CHERP: variants seen among roughly 807,000 people sequenced by gnomAD.
CHERP encodes calcium homeostasis endoplasmic reticulum protein, also known as ERPROT 213-21.
CHERP carries 8 observed loss-of-function variants against 113.8 expected under a neutral mutation model. The observed-to-expected ratio is 0.07, with a 90% CI of 0.04 to 0.13. The LOEUF (loss-of-function observed/expected upper bound fraction) is 0.13. CHERP is among the 10% of genes least tolerant of loss of function. The pLI, the probability that CHERP is intolerant of heterozygous loss-of-function variation, is 1.00. For missense variants in CHERP, 884 were observed against 1,298.2 expected, an observed-to-expected ratio of 0.68 and a Z score of 4.90; for synonymous variants, 559 against 524.5, an observed-to-expected ratio of 1.07 and a Z score of -0.90.
chr19:16,542,120 C>T (rs2085784156), intron 1 of CHERP, 77 bp from the exon 2 acceptor site: 15 of 1,486,774 alleles, frequency 1.0e-5, no homozygotes, highest in African/African-American at 1.4e-5. Flanking sequence ...CCCCAGCCCC[C>T]GTCCGCCTTG....
At chr19:16,531,205 C>T (rs150894106) in intron 5 of CHERP, among the ~76,000 whole-genome samples, 4,665 of 152,292 alleles carry the variant, frequency 0.031, 93 homozygotes, top group Non-Finnish European at 0.045. Context: ...GGATATGGGC[C>T]GGCGGGAGCC....
chr19:16,519,987 C>T lies in CHERP; in HGVS notation c.2462+162G>A, dbSNP rs917039837. 1.3e-5 allele frequency: 10 copies of T among 783,204 alleles called. No individual in the cohort carries two copies. The highest frequency in any genetic ancestry group is 1.7e-5 in the African/African-American group (1 of 57,724). The allele number at this position is 783,204 out of a possible 1,614,324, so 48.5% of individuals were successfully genotyped here. A position where few individuals can be genotyped will look rare whatever the true frequency, so the allele number is the denominator to read the frequency against. On this transcript the variant is annotated intron_variant, in intron 15 of 16. Coordinates refer to ENST00000546361, the MANE Select transcript of CHERP (RefSeq NM_006387.6). The surrounding 1 kb of genome is among the most constrained non-coding windows in gnomAD (Gnocchi z 6.0). ...AGACCCCAGTTACTGCCTCAGGCTT[C>T]GCCAAGTGGCTACTGTGGTGAAGGG...
At position 16,542,409 on chromosome 19, in the gene CHERP, C is replaced by T; in HGVS notation, c.-31G>A. The stretch of plus-strand genomic sequence containing the variant: ...CGGCCGCGGGGAACGTCCTCCGGCG[C>T]CACACGATCGACCACCAGCGCCGTC... On this transcript the variant is annotated 5_prime_UTR_variant, in exon 1 of 17. Transcript: ENST00000546361. 7.4e-7 allele frequency: 1 copy of T among 1,346,440 alleles called. No individual in the cohort carries two copies. Among genetic ancestry groups the T allele is most frequent in the Non-Finnish European group, 9.6e-7 (1 of 1,041,672 alleles). The allele number at this position is 1,346,440 out of a possible 1,614,324, so 83.4% of individuals were successfully genotyped here.
At chr19:16,534,953 G>A (rs556855952) in intron 3 of CHERP, among the ~76,000 whole-genome samples, 1 of 152,178 alleles carries the variant, frequency 6.6e-6, no homozygotes, top group East Asian at 1.9e-4. Flanking sequence ...GTGCATGCCT[G>A]TAATCTCAGC....
At chr19:16,531,901 C>T (rs1244624091) in intron 5 of CHERP, 1 of 151,842 alleles carries the variant, frequency 6.6e-6, no homozygotes. Flanking sequence ...CTGCTGCCCG[C>T]TAGGCTCAGT....
chr19:16,525,789 C>A lies in CHERP; in HGVS notation c.1306-112G>T. On this transcript the variant is annotated intron_variant, in intron 9 of 16. Coordinates refer to ENST00000546361, the MANE Select transcript of CHERP (RefSeq NM_006387.6). This position sits in a 1 kb window ranked among gnomAD's most constrained non-coding sequence, Gnocchi z 6.5. ...TGGCTCAGACCATGGAGGCGCTGCC[C>A]TGGCCACGTTGAGGCGCCTCCTACG... 1 of 1,055,908 alleles carries A rather than the reference C, an allele frequency of 9.5e-7. No homozygotes were observed. Among genetic ancestry groups the A allele is most frequent in the Non-Finnish European group, 1.3e-6 (1 of 772,744 alleles). The allele number at this position is 1,055,908 out of a possible 1,614,324, so 65.4% of individuals were successfully genotyped here.
At chr19:16,542,147 G>T in intron 1 of CHERP, 104 bp from the exon 2 acceptor site, 2 of 1,351,354 alleles carry the variant, frequency 1.5e-6, no homozygotes, top group Non-Finnish European at 2.0e-6. Flanking sequence ...ACCCCAAGGG[G>T]GTGGGCCCCG....
At chr19:16,522,509 T>C (rs1368775682) in intron 11 of CHERP, among the ~76,000 whole-genome samples, 1 of 152,144 alleles carries the variant, frequency 6.6e-6, no homozygotes, top group Non-Finnish European at 1.5e-5. Context: ...TCCGCCCGCC[T>C]CGGCCTCCCA....
intron 2 of CHERP, 51 bp downstream of exon 2, chr19:16,541,819 C>A: frequency 6.4e-7 from 1 of 1,573,056 alleles, no homozygotes; most frequent in Non-Finnish European, 8.6e-7. Flanking sequence ...GGACTGGAAT[C>A]CGAGAAAGGA....
Position 16,520,003 on chromosome 19 carries a change from T to G in CHERP, c.2462+146A>C, listed in dbSNP as rs2085593873. On this transcript the variant is annotated intron_variant, in intron 15 of 16. Coordinates refer to ENST00000546361, the MANE Select transcript of CHERP (RefSeq NM_006387.6). This position sits in a 1 kb window ranked among gnomAD's most constrained non-coding sequence, Gnocchi z 4.0. ...CTCAGGCTTCGCCAAGTGGCTACTG[T>G]GGTGAAGGGTGAGGGGTGCCACTGT... 4 of 852,504 alleles carry G rather than the reference T, an allele frequency of 4.7e-6. No individual in the cohort carries two copies. The highest frequency in any genetic ancestry group is 4.5e-5 in the Admixed American group (2 of 44,474). 52.8% of individuals were successfully genotyped at this position (852,504 alleles called of 1,614,324 possible).
Position 16,519,742 on chromosome 19 carries a change from TAAG to T in CHERP, c.2463-30_2463-28del, listed in dbSNP as rs1568503285. 2 of 1,573,102 alleles carry T rather than the reference TAAG, an allele frequency of 1.3e-6. No homozygotes were observed. The highest frequency in any genetic ancestry group is 2.2e-5 in the East Asian group (1 of 44,662). ...TAAAATCGAGACAGGTTATTCTTTT[TAAG>T]AAGTAACTGAGACATTTATTGGAAT... is the stretch of plus-strand genomic sequence containing the variant. On this transcript the variant is annotated intron_variant, in intron 15 of 16. Transcript: ENST00000546361. This position sits in a 1 kb window ranked among gnomAD's most constrained non-coding sequence, Gnocchi z 6.0.
At chr19:16,537,094 A>C (rs1298580987) in intron 2 of CHERP, among the ~76,000 whole-genome samples, 2 of 151,818 alleles carry the variant, frequency 1.3e-5, no homozygotes, top group Admixed American at 1.3e-4. Context: ...TCCCTCTCTA[A>C]ACGATTTCTC....
Position 16,530,484 on chromosome 19 carries a change from T to C in CHERP, c.876+101A>G. The C allele has an allele frequency of 9.3e-7, 1 of 1,080,984 alleles. No individual in the cohort carries two copies. 67.0% of individuals were successfully genotyped at this position (1,080,984 alleles called of 1,614,324 possible). ...TAGCACAGGCAGGGGACATGGGCTC[T>C]CTGGCTGCTGGGGTGGCAGCTGCTG... On this transcript the variant is annotated intron_variant, in intron 7 of 16. Transcript: ENST00000546361. The surrounding 1 kb of genome is among the most constrained non-coding windows in gnomAD (Gnocchi z 4.1).
In CHERP at chr19:16,525,303, G is replaced by A; in HGVS notation, c.1680C>T (p.His560=). ...RFMQDDFPPR[H]PFERPPYPHR... ...GGGGATAGGGCGGCCGCTCGAAGGG[G>A]TGCCGTGGCGGGAAGTCGTCCTGCA... The change falls in exon 10 of 17, where the codon CAC becomes CAT. Residue 560 remains histidine (H), a synonymous_variant. Coordinates refer to ENST00000546361, the MANE Select transcript of CHERP (RefSeq NM_006387.6). This position sits in a 1 kb window ranked among gnomAD's most constrained non-coding sequence, Gnocchi z 6.5. 3 of 1,453,554 alleles carry A rather than the reference G, an allele frequency of 2.1e-6. No homozygotes were observed. Among genetic ancestry groups the A allele is most frequent in the South Asian group, 3.0e-5 (2 of 67,430 alleles). 90.0% of individuals were successfully genotyped at this position (1,453,554 alleles called of 1,614,324 possible).
chr19:16,532,272 A>G lies in CHERP; in HGVS notation c.674+326T>C. ...CAAGGAGGCCGTGGCTGAGAAGGCAACAAGGAGACGCCAAGAAGCTGCCCC... is the reference window on the plus strand; with the variant it reads ...CAAGGAGGCCGTGGCTGAGAAGGCAGCAAGGAGACGCCAAGAAGCTGCCCC... On this transcript the variant is annotated intron_variant, in intron 5 of 16. Transcript: ENST00000546361. The surrounding 1 kb of genome is among the most constrained non-coding windows in gnomAD (Gnocchi z 4.4). The G allele has an allele frequency of 7.0e-6, 2 of 286,806 alleles. No individual in the cohort carries two copies. The highest frequency in any genetic ancestry group is 1.3e-5 in the Non-Finnish European group (2 of 150,718). The allele number at this position is 286,806 out of a possible 1,614,324, so 17.8% of individuals were successfully genotyped here. A position where few individuals can be genotyped will look rare whatever the true frequency, so the allele number is the denominator to read the frequency against.
chr19:16,520,642 T>C lies in CHERP; in HGVS notation c.2202-135A>G. Reference sequence around the variant, plus strand: ...TGTGGCGCCATAGCCACAGCAACGGTACCAAGTTCCTAAATAGTGTGGCCG... The same window carrying C: ...TGTGGCGCCATAGCCACAGCAACGGCACCAAGTTCCTAAATAGTGTGGCCG... On this transcript the variant is annotated intron_variant, in intron 13 of 16. Coordinates refer to ENST00000546361, the MANE Select transcript of CHERP (RefSeq NM_006387.6). This position sits in a 1 kb window ranked among gnomAD's most constrained non-coding sequence, Gnocchi z 4.0. 1 of 1,206,408 alleles carries C rather than the reference T, an allele frequency of 8.3e-7. No individual in the cohort carries two copies. Among genetic ancestry groups the C allele is most frequent in the Non-Finnish European group, 1.2e-6 (1 of 844,634 alleles). The allele number at this position is 1,206,408 out of a possible 1,614,324, so 74.7% of individuals were successfully genotyped here. A position where few individuals can be genotyped will look rare whatever the true frequency, so the allele number is the denominator to read the frequency against.
chr19:16,527,687 T>C (rs1487815136), intron 9 of CHERP, among the ~76,000 whole-genome samples: 1 of 152,180 alleles, frequency 6.6e-6, no homozygotes, highest in Admixed American at 6.5e-5. Flanking sequence ...ATTTCTGACA[T>C]TCCCCCTTTC....
chr19:16,530,499 G>A lies in CHERP; in HGVS notation c.876+86C>T, dbSNP rs1390700088. The A allele has an allele frequency of 8.1e-6, 10 of 1,229,108 alleles. No individual in the cohort carries two copies. Among genetic ancestry groups the A allele is most frequent in the Non-Finnish European group, 8.4e-6 (7 of 836,734 alleles). The allele number at this position is 1,229,108 out of a possible 1,614,324, so 76.1% of individuals were successfully genotyped here. A position where few individuals can be genotyped will look rare whatever the true frequency, so the allele number is the denominator to read the frequency against. On this transcript the variant is annotated intron_variant, in intron 7 of 16. Coordinates refer to ENST00000546361, the MANE Select transcript of CHERP (RefSeq NM_006387.6). This position sits in a 1 kb window ranked among gnomAD's most constrained non-coding sequence, Gnocchi z 4.1. ...ACATGGGCTCTCTGGCTGCTGGGGTGGCAGCTGCTGTCCCCACACTCCCAA... is the reference window on the plus strand; with the variant it reads ...ACATGGGCTCTCTGGCTGCTGGGGTAGCAGCTGCTGTCCCCACACTCCCAA...
chr19:16,535,554 C>T lies in CHERP; in HGVS notation c.282G>A (p.Ala94=), dbSNP rs746454553. Residue 94 remains alanine, a synonymous_variant, in exon 3 of 17, where the codon GCG becomes GCA. Coordinates refer to ENST00000546361, the MANE Select transcript of CHERP (RefSeq NM_006387.6). This position sits in a 1 kb window ranked among gnomAD's most constrained non-coding sequence, Gnocchi z 4.3. ...GCGCGCCCTGGGCCGGCGGGATGGG[C>T]GCGGCGGGGGCCAGCGGGGGCTGTG... ...PLPQPPLAPA[A]PIPPAQGAPS... 51 of 1,583,728 alleles carry T rather than the reference C, an allele frequency of 3.2e-5. No homozygotes were observed. Among genetic ancestry groups the T allele is most frequent in the East Asian group, 9.3e-5 (4 of 43,164 alleles).
Sources: allele counts gnomAD v4.1 joint callset (sites outside exome capture counted in the v4.1 genomes callset), GRCh38; gene constraint gnomAD v4.1.1; non-coding constraint Gnocchi (gnomAD v3.1); transcripts MANE v1.5; gene names NCBI Gene and HGNC (gene_info 2026-07-23, HGNC 2026-07-21).